The following PHF24 variants were observed in gnomAD, a reference collection of about 807,000 sequenced individuals.
The protein encoded by PHF24 is PHD finger protein 24.
PHF24 carries 25 observed loss-of-function variants against 42.6 expected under a neutral mutation model. The observed-to-expected ratio is 0.59, with a 90% CI of 0.43 to 0.82. PHF24 has a LOEUF of 0.82. Ranked by LOEUF, PHF24 falls within the 40% of genes least tolerant of loss-of-function variation. The pLI is 0.00. For missense variants in PHF24, 470 were observed against 538.1 expected (o/e 0.87, Z 1.25); for synonymous variants, 185 against 204.8 (o/e 0.90, Z 0.83).
At chr9:34,929,700 C>T in the PHF24 span, among the ~76,000 whole-genome samples, 2 of 152,292 alleles carry the variant, frequency 1.3e-5, no homozygotes, top group South Asian at 2.1e-4. Context: ...CCTACAGCCC[C>T]GCCATGTAAC....
chr9:34,907,543 T>C, the PHF24 span, among the ~76,000 whole-genome samples: 1 of 152,118 alleles, frequency 6.6e-6, no homozygotes, highest in Non-Finnish European at 1.5e-5. Flanking sequence ...GAAGACGAAG[T>C]GTGGTTTCAT....
At chr9:34,878,977 C>T in the PHF24 span, among the ~76,000 whole-genome samples, 1 of 152,204 alleles carries the variant, frequency 6.6e-6, no homozygotes, top group Admixed American at 6.5e-5. Flanking sequence ...CGACTGACAC[C>T]TCATACAGCC....
chr9:34,804,273 T>A, the PHF24 span, among the ~76,000 whole-genome samples: 2 of 152,184 alleles, frequency 1.3e-5, no homozygotes, highest in African/African-American at 4.8e-5. Context: ...TTTGAGGTGA[T>A]GTGAGGAAGG....
At chr9:34,877,280 C>CAAAAA in the PHF24 span, among the ~76,000 whole-genome samples, 3 of 114,390 alleles carry the variant, frequency 2.6e-5, no homozygotes, top group Non-Finnish European at 1.8e-5. Flanking sequence ...GACTCTGTCT[C>CAAAAA]AAAAAAAAAA....
chr9:34,730,083 A>G, the PHF24 span, among the ~76,000 whole-genome samples: 34 of 152,234 alleles, frequency 2.2e-4, no homozygotes, highest in Non-Finnish European at 4.3e-4. Flanking sequence ...CCTTCCATGG[A>G]GGCACATTCA....
chr9:34,929,632 TAATCA>T, the PHF24 span, among the ~76,000 whole-genome samples: 3 of 152,332 alleles, frequency 2.0e-5, no homozygotes, highest in Middle Eastern at 3.4e-3. Context: ...GATTTGCAGG[TAATCA>T]AATATCGTTA....
the PHF24 span, among the ~76,000 whole-genome samples, chr9:34,910,885 G>A: frequency 6.6e-6 from 1 of 150,710 alleles, no homozygotes; most frequent in Non-Finnish European, 1.5e-5. Flanking sequence ...TGCAGTGGCA[G>A]GAACATAGCT....
chr9:34,709,960 T>G, the PHF24 span: 5 of 1,613,924 alleles, frequency 3.1e-6, no homozygotes, highest in African/African-American at 6.7e-5. Flanking sequence ...GGCCTCTTGA[T>G]CCCCTTAGCC....
At chr9:34,868,930 C>T in the PHF24 span, among the ~76,000 whole-genome samples, 1 of 152,114 alleles carries the variant, frequency 6.6e-6, no homozygotes, top group Admixed American at 6.6e-5. Context: ...ATGACAGGCC[C>T]CAGTGTGTGT....
the PHF24 span, among the ~76,000 whole-genome samples, chr9:34,875,942 A>ACTCTCT: frequency 1.0e-4 from 9 of 86,778 alleles, no homozygotes; most frequent in African/African-American, 4.7e-4. Context: ...ACACACACAC[A>ACTCTCT]CACACACACT....
the PHF24 span, among the ~76,000 whole-genome samples, chr9:34,895,941 G>A: frequency 3.3e-5 from 5 of 152,120 alleles, no homozygotes; most frequent in East Asian, 1.9e-4. Context: ...TTCAGATGAG[G>A]GTGTCTGGTG....
chr9:34,914,966 T>G, the PHF24 span, among the ~76,000 whole-genome samples: 1 of 150,974 alleles, frequency 6.6e-6, no homozygotes, highest in Non-Finnish European at 1.5e-5. Context: ...TTTTTTTTTT[T>G]TTTTTGGTAG....
chr9:34,829,338 A>G, the PHF24 span, among the ~76,000 whole-genome samples: 9 of 152,114 alleles, frequency 5.9e-5, no homozygotes, highest in Admixed American at 2.0e-4. Flanking sequence ...ATAGGTTGAG[A>G]TGAATATTTG....
At chr9:34,834,782 G>A in the PHF24 span, 5 of 1,542,542 alleles carry the variant, frequency 3.2e-6, no homozygotes. Flanking sequence ...ATTGATCTGA[G>A]CTCGTTGATG....
chr9:34,764,611 A>G, the PHF24 span, among the ~76,000 whole-genome samples: 3 of 152,034 alleles, frequency 2.0e-5, no homozygotes, highest in African/African-American at 7.3e-5. Context: ...TAGTCTTGCT[A>G]GCGGTCTATC....
At chr9:34,934,123 T>C in the PHF24 span, among the ~76,000 whole-genome samples, 1 of 152,190 alleles carries the variant, frequency 6.6e-6, no homozygotes, top group Non-Finnish European at 1.5e-5. Context: ...GTCCAAGTTC[T>C]CATTATATAG....
the PHF24 span, among the ~76,000 whole-genome samples, chr9:34,852,623 C>T: frequency 1.3e-5 from 2 of 152,226 alleles, no homozygotes; most frequent in Admixed American, 6.5e-5. Flanking sequence ...TATAAAGTTT[C>T]TGCTGAGAAG....
chr9:34,978,663 C>T (rs1300720695), exon 8 of PHF24: 1 of 153,426 alleles, frequency 6.5e-6, no homozygotes, highest in Non-Finnish European at 1.5e-5. Flanking sequence ...CTGCAGTCAG[C>T]TGCTGTTACT....
chr9:34,800,576 C>A, the PHF24 span, among the ~76,000 whole-genome samples: 6 of 152,100 alleles, frequency 3.9e-5, no homozygotes, highest in African/African-American at 1.4e-4. Flanking sequence ...GAGAGGATTC[C>A]CTATTTAATA....
Sources: gnomAD v4.1 joint callset for allele counts (sites outside exome capture counted in the v4.1 genomes callset) on GRCh38, gnomAD v4.1.1 for gene constraint, MANE v1.5 for transcripts, NCBI Gene and HGNC (gene_info 2026-07-23, HGNC 2026-07-21) for gene names.